CNTN4: variants seen among roughly 807,000 people sequenced by gnomAD.
The protein encoded by CNTN4 is contactin-4.
CNTN4 carries 77 observed loss-of-function variants against 122.5 expected under a neutral mutation model. The observed-to-expected ratio is 0.63, with a 90% CI of 0.52 to 0.76. The LOEUF is 0.76. Ranked by LOEUF, CNTN4 falls within the 30% of genes least tolerant of loss-of-function variation. The pLI, the probability that CNTN4 is intolerant of heterozygous loss-of-function variation, is 0.00. For synonymous variants in CNTN4, 512 were observed against 447.0 expected, an observed-to-expected ratio of 1.15 and a Z score of -1.83; for missense variants, 1,256 against 1,259.1, an observed-to-expected ratio of 1.00 and a Z score of 0.04.
At chr3:2,381,542 A>G (rs1169324832) in intron 3 of CNTN4, among the ~76,000 whole-genome samples, 1 of 152,156 alleles carries the variant, frequency 6.6e-6, no homozygotes, top group Non-Finnish European at 1.5e-5. Context: ...ATAAATCTGA[A>G]GTCAAAAGAT....
chr3:2,244,274 C>G (rs1473331914), intron 2 of CNTN4, among the ~76,000 whole-genome samples: 2 of 151,990 alleles, frequency 1.3e-5, no homozygotes, highest in Non-Finnish European at 2.9e-5. Context: ...CTCAAAATAT[C>G]TTATTATACT....
intron 6 of CNTN4, among the ~76,000 whole-genome samples, chr3:2,774,270 A>C (rs2091225010): frequency 6.6e-6 from 1 of 151,980 alleles, no homozygotes; most frequent in South Asian, 2.1e-4. Context: ...CAAAACAAAA[A>C]CAAAAACAAA....
chr3:2,676,211 G>T (rs573697139), intron 4 of CNTN4, among the ~76,000 whole-genome samples: 2 of 151,756 alleles, frequency 1.3e-5, no homozygotes, highest in African/African-American at 4.8e-5. Flanking sequence ...AGATGTAACC[G>T]ACTGAGTGGT....
At chr3:3,039,622 G>GA (rs1699956791) in intron 19 of CNTN4, 2 of 248,484 alleles carry the variant, frequency 8.0e-6, no homozygotes, top group African/African-American at 4.5e-5. Flanking sequence ...CCCTCTGAGA[G>GA]GGAGGATCTT....
At chr3:2,961,101 G>A (rs1229752708) in intron 13 of CNTN4, among the ~76,000 whole-genome samples, 2 of 142,476 alleles carry the variant, frequency 1.4e-5, no homozygotes, top group African/African-American at 5.1e-5. Context: ...GTGGTGATGG[G>A]CGCCTGTAGT....
intron 12 of CNTN4, among the ~76,000 whole-genome samples, chr3:2,907,325 C>A (rs1327295804): frequency 6.6e-6 from 1 of 152,152 alleles, no homozygotes; most frequent in Non-Finnish European, 1.5e-5. Flanking sequence ...GTAATCCCAG[C>A]ACTTTGGGAA....
chr3:2,245,125 A>G (rs2040092400), intron 2 of CNTN4, among the ~76,000 whole-genome samples: 1 of 152,028 alleles, frequency 6.6e-6, no homozygotes, highest in Admixed American at 6.6e-5. Context: ...TTCAAACAGA[A>G]TTGTTCCCAT....
intron 12 of CNTN4, among the ~76,000 whole-genome samples, chr3:2,918,207 T>G (rs1005381933): frequency 6.6e-6 from 1 of 152,220 alleles, no homozygotes; most frequent in African/African-American, 2.4e-5. Context: ...GTAATATGGT[T>G]CTGGTGAGCC....
intron 3 of CNTN4, among the ~76,000 whole-genome samples, chr3:2,532,564 T>C (rs1358076051): frequency 6.6e-6 from 1 of 152,188 alleles, no homozygotes; most frequent in African/African-American, 2.4e-5. Context: ...GAAGGAAATA[T>C]AGTTCTATGA....
intron 2 of CNTN4, among the ~76,000 whole-genome samples, chr3:2,180,266 C>T (rs1007278703): frequency 1.3e-4 from 20 of 151,944 alleles, no homozygotes; most frequent in Admixed American, 1.1e-3. Context: ...GACTGCTTTA[C>T]TAGGTCATGT....
intron 8 of CNTN4, among the ~76,000 whole-genome samples, chr3:2,872,625 T>C (rs1280984847): frequency 6.6e-6 from 1 of 152,116 alleles, no homozygotes; most frequent in Non-Finnish European, 1.5e-5. Context: ...ATAGAAGAGA[T>C]GCTACAAAAC....
intron 7 of CNTN4, among the ~76,000 whole-genome samples, chr3:2,855,586 T>C (rs1223974536): frequency 6.6e-6 from 1 of 152,240 alleles, no homozygotes; most frequent in African/African-American, 2.4e-5. Context: ...CCAGTTTAAC[T>C]TTCCTTGTGC....
chr3:2,994,470 C>G (rs1357272869), intron 14 of CNTN4, among the ~76,000 whole-genome samples: 1 of 151,884 alleles, frequency 6.6e-6, no homozygotes, highest in Non-Finnish European at 1.5e-5. Context: ...CATTCTTCAA[C>G]CCTACAAGCC....
intron 3 of CNTN4, among the ~76,000 whole-genome samples, chr3:2,486,207 A>G (rs2151626408): frequency 6.6e-6 from 1 of 152,200 alleles, no homozygotes; most frequent in South Asian, 2.1e-4. Context: ...TCAGGAACCC[A>G]CCAGAAGGAA....
chr3:2,793,934 A>T (rs748425256), intron 6 of CNTN4, among the ~76,000 whole-genome samples: 2 of 152,076 alleles, frequency 1.3e-5, no homozygotes, highest in African/African-American at 4.8e-5. Context: ...AAAATGACCA[A>T]CTACTGCCTG....
rs145085881 is a variant in CNTN4, at chr3:2,185,107, C to T, written c.-145+84468C>T. On this transcript the variant is annotated intron_variant, in intron 2 of 24. Transcript: ENST00000418658. Reference sequence around the variant, plus strand: ...AAGACAACTTTGGTTTGAATGGAGCCTGGCCTGGGCTTTTTACAGAGGCTG... The same window carrying T: ...AAGACAACTTTGGTTTGAATGGAGCTTGGCCTGGGCTTTTTACAGAGGCTG... Among the ~76,000 whole-genome samples the T allele has an allele frequency of 2.8e-3, 425 of 152,266 alleles. 1 individual carries two copies. The highest frequency in any genetic ancestry group is 9.8e-3 in the African/African-American group (407 of 41,570).
intron 4 of CNTN4, among the ~76,000 whole-genome samples, chr3:2,699,033 A>G (rs1441241934): frequency 6.6e-6 from 1 of 152,140 alleles, no homozygotes; most frequent in East Asian, 1.9e-4. Context: ...TAAAAAAAAA[A>G]AAGAACCTGG....
chr3:2,114,715 T>C (rs904560497), intron 2 of CNTN4, among the ~76,000 whole-genome samples: 4 of 152,136 alleles, frequency 2.6e-5, no homozygotes, highest in Admixed American at 6.5e-5. Flanking sequence ...CTCTAGCGAA[T>C]GGGACAAATT....
chr3:2,152,360 ACTTCCGTTTGATTGAAACGAGGTG>A (rs2035529998), intron 2 of CNTN4, among the ~76,000 whole-genome samples: 1 of 152,106 alleles, frequency 6.6e-6, no homozygotes. Context: ...CACTGTCAGG[ACTTCCGTTTGATTGAAACGAGGTG>A]CCGTCTGGTA....
Sources: allele counts gnomAD v4.1 joint callset (sites outside exome capture counted in the v4.1 genomes callset), GRCh38; gene constraint gnomAD v4.1.1; transcripts MANE v1.5; gene names NCBI Gene and HGNC (gene_info 2026-07-23, HGNC 2026-07-21).